The following PTPRN2 variants were observed in gnomAD, a reference collection of about 807,000 sequenced individuals.
The protein encoded by PTPRN2 is protein tyrosine phosphatase receptor type N2, also known as receptor-type tyrosine-protein phosphatase N2.
A neutral mutation model predicts 118.8 loss-of-function variants in PTPRN2; 74 were observed. That is an observed-to-expected ratio of 0.62 (90% confidence interval 0.52 to 0.76). The LOEUF (loss-of-function observed/expected upper bound fraction) is 0.76. Among genes scored for constraint, PTPRN2 ranks in the 30% least tolerant of loss-of-function variants. The pLI is 0.00. For missense variants in PTPRN2, 1,481 were observed against 1,394.4 expected, an observed-to-expected ratio of 1.06 and a Z score of -0.99; for synonymous variants, 641 against 608.0, an observed-to-expected ratio of 1.05 and a Z score of -0.80.
chr7:157,753,171 T>A (rs1801581581), intron 12 of PTPRN2, among the ~76,000 whole-genome samples: 1 of 152,184 alleles, frequency 6.6e-6, no homozygotes, highest in African/African-American at 2.4e-5. Context: ...CGCCTCCCTC[T>A]GCTGACGTCG....
At chr7:158,000,678 T>A (rs3889957) in intron 11 of PTPRN2, among the ~76,000 whole-genome samples, 912 of 7,650 alleles carry the variant, frequency 0.12, 1 homozygote, top group East Asian at 0.27. Context: ...GCAGGTGGGG[T>A]GCAGGGTGGG....
At chr7:157,863,589 A>AGATATAAATAT (rs1474123890) in intron 12 of PTPRN2, 7 of 152,270 alleles carry the variant, frequency 4.6e-5, no homozygotes, top group African/African-American at 1.7e-4. Flanking sequence ...ATAATTCTTT[A>AGATATAAATAT]AAAACTGCAG....
At chr7:158,100,775 T>C (rs1344652688) in intron 10 of PTPRN2, among the ~76,000 whole-genome samples, 2 of 152,340 alleles carry the variant, frequency 1.3e-5, no homozygotes, top group Non-Finnish European at 1.5e-5. Flanking sequence ...TGTGAGTTCT[T>C]TGTAGAGTCT....
intron 2 of PTPRN2, among the ~76,000 whole-genome samples, chr7:158,436,134 C>G (rs1017651700): frequency 6.6e-6 from 1 of 152,288 alleles, no homozygotes; most frequent in South Asian, 2.1e-4. Flanking sequence ...ATTATCGCAT[C>G]CTGGATAATG....
chr7:157,657,354 C>A, intron 13 of PTPRN2, among the ~76,000 whole-genome samples: 1 of 134,290 alleles, frequency 7.4e-6, no homozygotes, highest in Admixed American at 7.6e-5. Context: ...CCACACACAC[C>A]ACACACATCA....
intron 11 of PTPRN2, among the ~76,000 whole-genome samples, chr7:158,075,567 A>G (rs1812284317): frequency 6.6e-6 from 1 of 152,054 alleles, no homozygotes; most frequent in Non-Finnish European, 1.5e-5. Flanking sequence ...AGACCCCACC[A>G]GCACCACCGG....
intron 1 of PTPRN2, among the ~76,000 whole-genome samples, chr7:158,571,148 A>T (rs1004303133): frequency 2.6e-5 from 4 of 151,114 alleles, no homozygotes; most frequent in Non-Finnish European, 5.9e-5. Context: ...GTTTTTGCTT[A>T]TTTTTTTTTA....
intron 11 of PTPRN2, among the ~76,000 whole-genome samples, chr7:158,061,080 G>A (rs1810291326): frequency 6.6e-6 from 1 of 152,234 alleles, no homozygotes; most frequent in African/African-American, 2.4e-5. Flanking sequence ...CCCCAACCCT[G>A]AGCCAGGCGG....
chr7:157,626,975 C>T (rs1803622630), intron 14 of PTPRN2, among the ~76,000 whole-genome samples: 1 of 152,190 alleles, frequency 6.6e-6, no homozygotes, highest in South Asian at 2.1e-4. Flanking sequence ...ATTGAGTGTT[C>T]CTGTAACAAC....
chr7:158,485,126 G>A (rs1242895782), intron 2 of PTPRN2, among the ~76,000 whole-genome samples: 1 of 152,070 alleles, frequency 6.6e-6, no homozygotes, highest in Non-Finnish European at 1.5e-5. Context: ...CTTGTGGGTC[G>A]TCACAGCATA....
At chr7:158,155,438 A>G (rs1003523630) in intron 6 of PTPRN2, among the ~76,000 whole-genome samples, 2 of 142,646 alleles carry the variant, frequency 1.4e-5, no homozygotes, top group Admixed American at 7.1e-5. Flanking sequence ...CAGTAGCACC[A>G]CCATCACCAA....
chr7:158,133,090 G>A (rs924597219), intron 9 of PTPRN2, among the ~76,000 whole-genome samples: 6 of 152,186 alleles, frequency 3.9e-5, no homozygotes, highest in African/African-American at 1.4e-4. Context: ...AGTTCAGATC[G>A]ACATGAGGGC....
intron 14 of PTPRN2, among the ~76,000 whole-genome samples, chr7:157,648,490 G>A (rs552108459): frequency 2.2e-5 from 3 of 136,840 alleles, no homozygotes; most frequent in African/African-American, 5.3e-5. Context: ...CACTGAACTC[G>A]GTGGGTCGGA....
intron 6 of PTPRN2, among the ~76,000 whole-genome samples, chr7:158,140,812 C>A (rs183105401): frequency 6.6e-6 from 1 of 152,246 alleles, no homozygotes; most frequent in Non-Finnish European, 1.5e-5. Flanking sequence ...TATACTCCCC[C>A]TCAACAGCAG....
chr7:158,281,553 C>A (rs781316730), intron 3 of PTPRN2, among the ~76,000 whole-genome samples: 13 of 152,212 alleles, frequency 8.5e-5, no homozygotes, highest in Non-Finnish European at 1.6e-4. Context: ...TGGCTAAGAG[C>A]ACAGAGGTGC....
intron 2 of PTPRN2, among the ~76,000 whole-genome samples, chr7:158,488,949 C>G (rs1821232652): frequency 6.6e-6 from 1 of 152,250 alleles, no homozygotes; most frequent in African/African-American, 2.4e-5. Context: ...CCCAGTTCAC[C>G]AGCATGACAG....
intron 2 of PTPRN2, among the ~76,000 whole-genome samples, chr7:158,337,314 C>A (rs1464822346): frequency 2.6e-5 from 4 of 151,192 alleles, no homozygotes; most frequent in Non-Finnish European, 4.4e-5. Context: ...GCACAGACAT[C>A]ATTCACACCC....
chr7:158,473,525 C>G (rs1196376656), intron 2 of PTPRN2, among the ~76,000 whole-genome samples: 1 of 152,146 alleles, frequency 6.6e-6, no homozygotes, highest in Non-Finnish European at 1.5e-5. Context: ...TCTCCCTCGT[C>G]CATAATTTAG....
In PTPRN2 at chr7:157,615,655, T is replaced by C. The variant is rs1802719825; in HGVS notation, c.2344+5707A>G. ...TGCGGAATGTGTTTTTATCAATGACTTGACGACGTGAAAAACATGTTTATA... is the reference window on the plus strand; with the variant it reads ...TGCGGAATGTGTTTTTATCAATGACCTGACGACGTGAAAAACATGTTTATA... On this transcript the variant is annotated intron_variant, in intron 15 of 22. Transcript: ENST00000389418. This position sits in a 1 kb window ranked among gnomAD's most constrained non-coding sequence, Gnocchi z 4.3. 1 of 462,576 alleles carries C rather than the reference T, an allele frequency of 2.2e-6. No homozygotes were observed. The highest frequency in any genetic ancestry group is 2.0e-5 in the African/African-American group (1 of 49,948). 28.7% of individuals were successfully genotyped at this position (462,576 alleles called of 1,614,324 possible). A position where few individuals can be genotyped will look rare whatever the true frequency, so the allele number is the denominator to read the frequency against.
Sources: gnomAD v4.1 joint callset for allele counts (sites outside exome capture counted in the v4.1 genomes callset) on GRCh38, gnomAD v4.1.1 for gene constraint, Gnocchi (gnomAD v3.1) non-coding constraint, MANE v1.5 for transcripts, NCBI Gene and HGNC (gene_info 2026-07-23, HGNC 2026-07-21) for gene names.